The following OIT3 variants were observed in gnomAD, a reference collection of about 807,000 sequenced individuals.
OIT3 encodes oncoprotein-induced transcript 3 protein.
In OIT3, 41 loss-of-function variants were observed where a neutral mutation model predicts 52.2. The ratio of observed to expected loss-of-function variants is 0.79; its 90% CI spans 0.61 to 1.02. OIT3 has a LOEUF of 1.02. Ranked by LOEUF, OIT3 falls within the 50% of genes least tolerant of loss-of-function variation. The probability of loss-of-function intolerance (pLI) is 0.00; values close to 1 mark genes in which losing one functional copy is unlikely to be tolerated. For synonymous variants in OIT3, 244 were observed against 276.9 expected (o/e 0.88, Z 1.18); for missense variants, 634 against 715.5 (o/e 0.89, Z 1.30).
chr10:72,910,885 A>G (rs1846022884), intron 4 of OIT3, among the ~76,000 whole-genome samples: 2 of 152,234 alleles, frequency 1.3e-5, no homozygotes, highest in Non-Finnish European at 2.9e-5. Context: ...ATGAATGCAC[A>G]TGGCTATGTG....
At chr10:72,909,125 T>G (rs1846007361) in intron 4 of OIT3, among the ~76,000 whole-genome samples, 1 of 149,444 alleles carries the variant, frequency 6.7e-6, no homozygotes. Flanking sequence ...GTCTTTTTTT[T>G]TTTTTTTTTT....
At position 72,906,662 on chromosome 10, in the gene OIT3, A is replaced by G. The variant is rs1170678549; in HGVS notation, c.611A>G (p.Tyr204Cys). Residue 204 changes from tyrosine (Y) to cysteine (C), a missense_variant, in exon 4 of 9, where the codon TAC (tyrosine) becomes TGC (cysteine). Tyr to Cys is a radical substitution (Grantham distance 194, BLOSUM62 -2). Coordinates refer to ENST00000334011, the MANE Select transcript of OIT3 (RefSeq NM_152635.3). ...SEICVNLKNS[Y>C]RCECGVGRVL... ...ATCTGTGTGAACCTCAAAAACTCCTACCGCTGTGAGTGTGGGGTTGGCCGT... is the reference window on the plus strand; with the variant it reads ...ATCTGTGTGAACCTCAAAAACTCCTGCCGCTGTGAGTGTGGGGTTGGCCGT... 3 of 1,612,542 alleles carry G rather than the reference A, an allele frequency of 1.9e-6. No individual in the cohort carries two copies. Among genetic ancestry groups the G allele is most frequent in the Non-Finnish European group, 2.5e-6 (3 of 1,179,198 alleles).
chr10:72,898,121 A>C (rs76605887), intron 1 of OIT3, among the ~76,000 whole-genome samples: 2 of 99,934 alleles, frequency 2.0e-5, no homozygotes, highest in African/African-American at 1.4e-4. Context: ...TATCTCTACC[A>C]AAAAAAAAAA....
chr10:72,896,104 C>T (rs902775711), intron 1 of OIT3, among the ~76,000 whole-genome samples: 2 of 152,082 alleles, frequency 1.3e-5, no homozygotes, highest in East Asian at 1.9e-4. Context: ...CCTATCTCCC[C>T]TACAGCAGGG....
chr10:72,906,725 ATGGGC>A lies in OIT3; in HGVS notation c.667+8_667+12del. 1.3e-6 allele frequency: 2 copies of A among 1,556,436 alleles called. No homozygotes were observed. The highest frequency in any genetic ancestry group is 1.9e-5 in the Admixed American group (1 of 52,862). ...GATGGCAAGACTTGTGAAGGTGAGA[ATGGGC>A]AAAAAGGGACCCAAATCAAGAGCCC... On this transcript the variant is annotated splice_region_variant and intron_variant, in intron 4 of 8. Coordinates refer to ENST00000334011, the MANE Select transcript of OIT3 (RefSeq NM_152635.3).
At chr10:72,922,504 CTTGTA>C (rs1435685106) in intron 6 of OIT3, among the ~76,000 whole-genome samples, 2 of 151,882 alleles carry the variant, frequency 1.3e-5, no homozygotes, top group African/African-American at 4.8e-5. Flanking sequence ...TTATGAAATT[CTTGTA>C]TTGTGTTTTT....
At chr10:72,907,548 C>A (rs1036913747) in intron 4 of OIT3, among the ~76,000 whole-genome samples, 1 of 152,162 alleles carries the variant, frequency 6.6e-6, no homozygotes, top group Non-Finnish European at 1.5e-5. Context: ...TTACGCTTAG[C>A]CCCTCCCAGA....
intron 7 of OIT3, 48 bp from the exon 8 acceptor site, chr10:72,930,490 C>T: frequency 2.2e-6 from 3 of 1,370,844 alleles, no homozygotes; most frequent in Non-Finnish European, 2.1e-6. Context: ...TGTTTTTCCA[C>T]CTCTGTTGAA....
rs371481704 is a variant in OIT3, at chr10:72,913,482, G to A, written c.951+14G>A. 15 of 1,595,332 alleles carry A rather than the reference G, an allele frequency of 9.4e-6. No homozygotes were observed. Among genetic ancestry groups the A allele is most frequent in the Non-Finnish European group, 1.1e-5 (13 of 1,165,560 alleles). On this transcript the variant is annotated intron_variant, in intron 6 of 8. Coordinates refer to ENST00000334011, the MANE Select transcript of OIT3 (RefSeq NM_152635.3). ...ACAGTGGTCGATGTAGGTTCCTCCT[G>A]GAGGGCACTTGGGGAATGACCAAAA...
chr10:72,907,352 G>T (rs373241139), intron 4 of OIT3, among the ~76,000 whole-genome samples: 1 of 152,282 alleles, frequency 6.6e-6, no homozygotes, highest in East Asian at 1.9e-4. Flanking sequence ...TCAAAATGCA[G>T]ATTCTGATTT....
At chr10:72,905,167 T>G (rs1845967601) in intron 3 of OIT3, among the ~76,000 whole-genome samples, 1 of 152,008 alleles carries the variant, frequency 6.6e-6, no homozygotes, top group Non-Finnish European at 1.5e-5. Flanking sequence ...ACCTCCAACA[T>G]CGAGATCAAA....
chr10:72,916,596 C>A (rs1198984428), intron 6 of OIT3, among the ~76,000 whole-genome samples: 3 of 152,114 alleles, frequency 2.0e-5, no homozygotes, highest in Non-Finnish European at 4.4e-5. Flanking sequence ...AGGTTGATTC[C>A]ATGTCTTTGC....
At chr10:72,920,381 G>T (rs11000447) in intron 6 of OIT3, among the ~76,000 whole-genome samples, 5,917 of 152,066 alleles carry the variant, frequency 0.039, 266 homozygotes, top group East Asian at 0.23. Context: ...GGAAAAACCA[G>T]CTCCTAGATT....
intron 7 of OIT3, among the ~76,000 whole-genome samples, chr10:72,928,856 AAAT>A (rs1846190434): frequency 6.6e-6 from 1 of 152,176 alleles, no homozygotes; most frequent in Non-Finnish European, 1.5e-5. Context: ...CCTTATTTTA[AAAT>A]AATTTTTTGG....
intron 8 of OIT3, among the ~76,000 whole-genome samples, 164 bp downstream of exon 8, chr10:72,930,801 A>G (rs528811677): frequency 1.3e-5 from 2 of 151,684 alleles, no homozygotes; most frequent in African/African-American, 2.4e-5. Context: ...CCTTTCATGC[A>G]TGTCACACCC....
intron 3 of OIT3, 104 bp downstream of exon 3, chr10:72,900,588 A>G: frequency 1.5e-6 from 1 of 652,190 alleles, no homozygotes; most frequent in Admixed American, 2.8e-5. Context: ...GTGTGTCTCC[A>G]AACACTTGGA....
chr10:72,906,642 T>C lies in OIT3; in HGVS notation c.591T>C (p.Cys197=), dbSNP rs991400981. 6.2e-7 allele frequency: 1 copy of C among 1,613,648 alleles called. No individual in the cohort carries two copies. Among genetic ancestry groups the C allele is most frequent in the East Asian group, 2.2e-5 (1 of 44,814 alleles). Residue 197 remains cysteine (C), a synonymous_variant, in exon 4 of 9, where the codon TGT becomes TGC. Coordinates refer to ENST00000334011, the MANE Select transcript of OIT3 (RefSeq NM_152635.3). ...ACAACGGTGGCTGCAGTGAGATCTG[T>C]GTGAACCTCAAAAACTCCTACCGCT... ...EQNNGGCSEI[C]VNLKNSYRCE...
chr10:72,897,713 T>C (rs893215814), intron 1 of OIT3, among the ~76,000 whole-genome samples: 2 of 152,182 alleles, frequency 1.3e-5, no homozygotes, highest in Non-Finnish European at 2.9e-5. Flanking sequence ...TTTTGAAAAT[T>C]TCCAAGGATT....
At chr10:72,930,236 A>G (rs554555605) in intron 7 of OIT3, among the ~76,000 whole-genome samples, 16 of 152,356 alleles carry the variant, frequency 1.1e-4, no homozygotes, top group African/African-American at 3.6e-4. Flanking sequence ...AGCAAAAGGT[A>G]TCTGAAATAA....
Sources: allele counts gnomAD v4.1 joint callset (sites outside exome capture counted in the v4.1 genomes callset), GRCh38; gene constraint gnomAD v4.1.1; transcripts MANE v1.5; gene names NCBI Gene and HGNC (gene_info 2026-07-23, HGNC 2026-07-21).